Variants in LARS2 observed in about 807,000 individuals in gnomAD.
LARS2 encodes leucine--tRNA ligase, mitochondrial.
In LARS2, 81 loss-of-function variants were observed where a neutral mutation model predicts 116.6. The ratio of observed to expected loss-of-function variants is 0.69; its 90% CI spans 0.58 to 0.84. The LOEUF (loss-of-function observed/expected upper bound fraction) is 0.84. Ranked by LOEUF, LARS2 falls within the 40% of genes least tolerant of loss-of-function variation. The pLI, the probability that LARS2 is intolerant of heterozygous loss-of-function variation, is 0.00. For missense variants in LARS2, 968 were observed against 1,114.5 expected, an observed-to-expected ratio of 0.87 and a Z score of 1.87; for synonymous variants, 396 against 407.2, an observed-to-expected ratio of 0.97 and a Z score of 0.33.
chr3:45,475,881 T>A (rs1699600525), intron 9 of LARS2, among the ~76,000 whole-genome samples: 1 of 152,238 alleles, frequency 6.6e-6, no homozygotes, highest in South Asian at 2.1e-4. Context: ...CTGTCCACTC[T>A]GTGTCCTCCA....
intron 10 of LARS2, among the ~76,000 whole-genome samples, chr3:45,481,427 A>G (rs1699699419): frequency 6.6e-6 from 1 of 152,116 alleles, no homozygotes; most frequent in Non-Finnish European, 1.5e-5. Flanking sequence ...CTGCCAGACT[A>G]TTTTCCAAAG....
chr3:45,479,748 A>G (rs1402894721), intron 10 of LARS2, among the ~76,000 whole-genome samples: 1 of 152,212 alleles, frequency 6.6e-6, no homozygotes, highest in Admixed American at 6.5e-5. Flanking sequence ...CATAAAAGGC[A>G]TCAATGGGGA....
intron 15 of LARS2, among the ~76,000 whole-genome samples, chr3:45,507,565 T>C (rs878890472): frequency 1.3e-5 from 2 of 152,050 alleles, no homozygotes; most frequent in Admixed American, 1.3e-4. Context: ...TGAGACAGGG[T>C]AAATAAAGTA....
At chr3:45,500,346 T>C in intron 14 of LARS2, 96 bp from the exon 15 acceptor site, 1 of 1,161,224 alleles carries the variant, frequency 8.6e-7, no homozygotes, top group Admixed American at 2.6e-5. Context: ...CTGATACGGT[T>C]CATTTCAGGG....
At chr3:45,486,128 A>G (rs1699808242) in intron 11 of LARS2, among the ~76,000 whole-genome samples, 1 of 152,120 alleles carries the variant, frequency 6.6e-6, no homozygotes, top group Non-Finnish European at 1.5e-5. Context: ...GACTCATAGA[A>G]CCATCCCAGG....
chr3:45,514,256 G>A (rs1700337717), intron 16 of LARS2, among the ~76,000 whole-genome samples: 1 of 152,000 alleles, frequency 6.6e-6, no homozygotes, highest in Non-Finnish European at 1.5e-5. Context: ...AGTATACATA[G>A]GGACAGCTGT....
In LARS2 at chr3:45,413,014, A is replaced by G. The variant is rs182297912; in HGVS notation, c.364-4468A>G. Among the ~76,000 whole-genome samples the G allele has an allele frequency of 5.8e-4, 89 of 152,372 alleles. 1 individual carries two copies. The highest frequency in any genetic ancestry group is 2.0e-3 in the African/African-American group (85 of 41,592). On this transcript the variant is annotated intron_variant, in intron 4 of 21. Transcript: ENST00000645846. ...TTAATCGAAGCACCTGATGTGAATC[A>G]TTAACTATTCAGGAAAGAAGCACTG...
chr3:45,470,588 G>A (rs1387667838), intron 8 of LARS2, among the ~76,000 whole-genome samples: 1 of 152,090 alleles, frequency 6.6e-6, no homozygotes, highest in Non-Finnish European at 1.5e-5. Context: ...TTCTATATAG[G>A]CCAAATGGCA....
At chr3:45,408,663 T>C (rs3796365) in intron 4 of LARS2, among the ~76,000 whole-genome samples, 5,091 of 152,282 alleles carry the variant, frequency 0.033, 110 homozygotes, top group East Asian at 0.1. Flanking sequence ...ATCTGGGCAG[T>C]CCAGCCTGTT....
At chr3:45,397,492 ATTAAT>A (rs1386905926) in intron 3 of LARS2, among the ~76,000 whole-genome samples, 4 of 152,208 alleles carry the variant, frequency 2.6e-5, no homozygotes, top group African/African-American at 9.6e-5. Flanking sequence ...TGATTTTGCT[ATTAAT>A]TTAATCTTTA....
chr3:45,501,523 G>A (rs188909880), intron 15 of LARS2, among the ~76,000 whole-genome samples: 5 of 152,062 alleles, frequency 3.3e-5, no homozygotes, highest in African/African-American at 7.2e-5. Flanking sequence ...TCACTGCTGC[G>A]TGATATTCCA....
rs558899596 is a variant in LARS2 at position 45,529,486 on chromosome 3, T to C, written c.2404+5378T>C. Among the ~76,000 whole-genome samples, 44 of 151,010 alleles carry C rather than the reference T, an allele frequency of 2.9e-4. 1 individual carries two copies. In the South Asian group the frequency reaches 9.3e-3, roughly 32 times the overall value. On this transcript the variant is annotated intron_variant, in intron 20 of 21. Coordinates refer to ENST00000645846, the MANE Select transcript of LARS2 (RefSeq NM_015340.4). Reference sequence around the variant, plus strand: ...ATCGCTTGAACCCAGGAGGCAGAGGTTGCGGTGGGCTGAGATTGCGCCATT... The same window carrying C: ...ATCGCTTGAACCCAGGAGGCAGAGGCTGCGGTGGGCTGAGATTGCGCCATT...
chr3:45,514,899 G>C lies in LARS2; in HGVS notation c.1862-1195G>C, dbSNP rs369652752. ...CAGTCTCCCCTTCTCTGCTGTCATGGGGTCAGGCAGTATTGTGAACATCTT... is the reference window on the plus strand; with the variant it reads ...CAGTCTCCCCTTCTCTGCTGTCATGCGGTCAGGCAGTATTGTGAACATCTT... On this transcript the variant is annotated intron_variant, in intron 16 of 21. Transcript: ENST00000645846. 2.4e-3 allele frequency among the ~76,000 whole-genome samples: 367 copies of C among 152,312 alleles called. 12 individuals carry two copies. The South Asian group carries it at 0.069, about 29-fold the overall frequency.
At chr3:45,477,665 T>C (rs1487345261) in intron 10 of LARS2, among the ~76,000 whole-genome samples, 1 of 152,214 alleles carries the variant, frequency 6.6e-6, no homozygotes, top group Non-Finnish European at 1.5e-5. Context: ...GTCTCTGAAG[T>C]AATTTAAATA....
At chr3:45,514,350 A>G (rs1190442946) in intron 16 of LARS2, among the ~76,000 whole-genome samples, 8 of 152,246 alleles carry the variant, frequency 5.3e-5, no homozygotes, top group Non-Finnish European at 8.8e-5. Flanking sequence ...AACCCTGTAA[A>G]TGGTAGGCAG....
At chr3:45,393,097 C>T (rs1304444382) in intron 2 of LARS2, among the ~76,000 whole-genome samples, 1 of 152,032 alleles carries the variant, frequency 6.6e-6, no homozygotes, top group African/African-American at 2.4e-5. Context: ...TGGAAGAAGC[C>T]AACGAAACAT....
intron 20 of LARS2, among the ~76,000 whole-genome samples, chr3:45,535,228 A>G (rs1470546572): frequency 6.6e-6 from 1 of 152,096 alleles, no homozygotes; most frequent in Non-Finnish European, 1.5e-5. Flanking sequence ...GCACATGCCT[A>G]TAATCCCAGC....
chr3:45,394,316 A>G, intron 2 of LARS2, 117 bp from the exon 3 acceptor site: 1 of 616,790 alleles, frequency 1.6e-6, no homozygotes, highest in Middle Eastern at 4.3e-4. Flanking sequence ...AGGGAAAGAA[A>G]TTATTAAAAG....
At chr3:45,536,711 T>G (rs889983707) in intron 20 of LARS2, among the ~76,000 whole-genome samples, 2 of 152,228 alleles carry the variant, frequency 1.3e-5, no homozygotes, top group African/African-American at 4.8e-5. Context: ...ATTTTTAAAT[T>G]GAAAAGCATG....
Sources: allele counts gnomAD v4.1 joint callset (sites outside exome capture counted in the v4.1 genomes callset), GRCh38; gene constraint gnomAD v4.1.1; transcripts MANE v1.5; gene names NCBI Gene and HGNC (gene_info 2026-07-23, HGNC 2026-07-21).